FBN2: variants seen among roughly 807,000 people sequenced by gnomAD.
FBN2 encodes the protein fibrillin-2.
FBN2 carries 105 observed loss-of-function variants against 355.6 expected under a neutral mutation model. The observed-to-expected ratio is 0.30, with a 90% CI of 0.25 to 0.35. The LOEUF (loss-of-function observed/expected upper bound fraction) is 0.35. Among genes scored for constraint, FBN2 ranks in the 10% least tolerant of loss-of-function variants. The pLI, the probability that FBN2 is intolerant of heterozygous loss-of-function variation, is 1.00. For missense variants in FBN2, 3,280 were observed against 3,758.7 expected (o/e 0.87, Z 3.33); for synonymous variants, 1,350 against 1,301.2 (o/e 1.04, Z -0.81).
rs1436360893 is a variant in FBN2 at position 128,407,214 on chromosome 5, C to G, written c.1078+1460G>C. Among the ~76,000 whole-genome samples, 4 of 152,112 alleles carry G rather than the reference C, an allele frequency of 2.6e-5. No individual in the cohort carries two copies. In the South Asian group the frequency reaches 8.3e-4, roughly 32 times the overall value. On this transcript the variant is annotated intron_variant, in intron 8 of 64. Transcript: ENST00000262464. ...GAGTCAGAGAGGTCAGGATTTGAAT[C>G]CTGGCTCCATTCATTGGCTGCAAAA...
intron 8 of FBN2, among the ~76,000 whole-genome samples, chr5:128,402,107 C>T (rs955641180): frequency 6.6e-6 from 1 of 151,982 alleles, no homozygotes; most frequent in African/African-American, 2.4e-5. Context: ...ACCTCTCTTT[C>T]CTTTGTATGA....
intron 48 of FBN2, among the ~76,000 whole-genome samples, chr5:128,293,124 A>G (rs535865187): frequency 6.6e-6 from 1 of 152,152 alleles, no homozygotes; most frequent in Non-Finnish European, 1.5e-5. Flanking sequence ...ACACATATCT[A>G]TGTCTGTGTA....
chr5:128,328,654 G>A, intron 34 of FBN2, 42 bp downstream of exon 34: 1 of 1,611,376 alleles, frequency 6.2e-7, no homozygotes, highest in South Asian at 1.1e-5. Context: ...ATTTACTGTG[G>A]TTGATCCAAC....
chr5:128,416,147 TCCCAAGTAGCTAG>T lies in FBN2; in HGVS notation c.953-7361_953-7349del, dbSNP rs761278157. 5.3e-5 allele frequency among the ~76,000 whole-genome samples: 8 copies of T among 152,022 alleles called. No homozygotes were observed. The East Asian group carries it at 7.8e-4, about 15-fold the overall frequency. ...TTCAAGCAATTCTCCTGCTTCGGCC[TCCCAAGTAGCTAG>T]GATTACAGGCATGTACCATCACACC... On this transcript the variant is annotated intron_variant, in intron 7 of 64. Coordinates refer to ENST00000262464, the MANE Select transcript of FBN2 (RefSeq NM_001999.4).
rs149068555 is a variant in FBN2, at chr5:128,500,430, C to CTTTTTTTTT, written c.628+18834_628+18842dup. On this transcript the variant is annotated intron_variant, in intron 5 of 64. Transcript: ENST00000262464. ...TGAAAATGATGAGACTCTGACAATT[C>CTTTTTTTTT]TTTTTTTTTTTTTTTTTTTTTTTTT... Among the ~76,000 whole-genome samples, 225 of 51,182 alleles carry CTTTTTTTTT rather than the reference C, an allele frequency of 4.4e-3. 39 individuals carry two copies. The highest frequency in any genetic ancestry group is 6.9e-3 in the African/African-American group (66 of 9,572). 33.6% of individuals were successfully genotyped at this position (51,182 alleles called of 152,430 possible).
At chr5:128,452,653 C>T (rs1016741253) in intron 6 of FBN2, among the ~76,000 whole-genome samples, 3 of 152,180 alleles carry the variant, frequency 2.0e-5, no homozygotes, top group East Asian at 1.9e-4. Flanking sequence ...TATTTCATAG[C>T]GTGTTTTTTA....
chr5:128,350,727 A>G (rs1359148992), intron 21 of FBN2, 141 bp downstream of exon 21: 1 of 953,550 alleles, frequency 1.0e-6, no homozygotes, highest in Non-Finnish European at 1.6e-6. Flanking sequence ...GGTAAAAAAC[A>G]TTAGCCAGGA....
At chr5:128,506,837 A>G (rs1385244714) in intron 5 of FBN2, among the ~76,000 whole-genome samples, 1 of 152,082 alleles carries the variant, frequency 6.6e-6, no homozygotes, top group African/African-American at 2.4e-5. Context: ...AGAATTTGTC[A>G]AATGCTTTGT....
intron 41 of FBN2, among the ~76,000 whole-genome samples, chr5:128,308,261 C>T (rs1749937476): frequency 6.6e-6 from 1 of 152,038 alleles, no homozygotes; most frequent in Non-Finnish European, 1.5e-5. Context: ...TTTAATTCCC[C>T]AAATCAATGA....
At chr5:128,343,776 TG>T (rs1186256065) in intron 25 of FBN2, among the ~76,000 whole-genome samples, 1 of 152,242 alleles carries the variant, frequency 6.6e-6, no homozygotes, top group East Asian at 1.9e-4. Context: ...ATAATTCTTG[TG>T]GATTTAATGA....
chr5:128,457,429 G>A (rs1754423047), intron 6 of FBN2, among the ~76,000 whole-genome samples: 1 of 152,004 alleles, frequency 6.6e-6, no homozygotes, highest in Admixed American at 6.6e-5. Context: ...CAGGCCAACA[G>A]GCAAATTCAG....
chr5:128,260,962 A>G (rs1764950895), intron 64 of FBN2, among the ~76,000 whole-genome samples: 1 of 152,222 alleles, frequency 6.6e-6, no homozygotes, highest in Non-Finnish European at 1.5e-5. Context: ...TTAATCATTC[A>G]TAGGAACTGA....
intron 7 of FBN2, among the ~76,000 whole-genome samples, chr5:128,430,775 C>T (rs546779413): frequency 3.3e-5 from 5 of 150,390 alleles, no homozygotes; most frequent in Admixed American, 6.6e-5. Flanking sequence ...GCCTGGGAGG[C>T]GGAGGCTGCA....
intron 5 of FBN2, among the ~76,000 whole-genome samples, chr5:128,517,973 G>C (rs1052387242): frequency 6.6e-6 from 1 of 151,842 alleles, no homozygotes; most frequent in Admixed American, 6.6e-5. Context: ...GTTATGGCTC[G>C]ATGCTAGTTA....
At chr5:128,376,165 G>A (rs1752072362) in intron 14 of FBN2, among the ~76,000 whole-genome samples, 1 of 152,116 alleles carries the variant, frequency 6.6e-6, no homozygotes, top group Non-Finnish European at 1.5e-5. Context: ...ATTTCCAAGA[G>A]GTATAACTTT....
intron 46 of FBN2, among the ~76,000 whole-genome samples, chr5:128,302,740 T>C (rs1024087555): frequency 6.6e-6 from 1 of 152,200 alleles, no homozygotes; most frequent in Non-Finnish European, 1.5e-5. Context: ...CTTTTTTTCC[T>C]GAAATGATTG....
chr5:128,484,539 G>A (rs1187865775), intron 5 of FBN2, among the ~76,000 whole-genome samples: 4 of 152,278 alleles, frequency 2.6e-5, no homozygotes, highest in South Asian at 4.1e-4. Context: ...CAAATGGTTG[G>A]TAAGTATGTG....
intron 17 of FBN2, 119 bp downstream of exon 17, chr5:128,366,258 A>G: frequency 2.0e-6 from 1 of 510,906 alleles, no homozygotes; most frequent in Admixed American, 3.1e-5. Context: ...GAGATAATTA[A>G]TCTTATTATT....
intron 36 of FBN2, among the ~76,000 whole-genome samples, chr5:128,314,615 C>T (rs1006857348): frequency 1.3e-5 from 2 of 152,156 alleles, no homozygotes; most frequent in African/African-American, 4.8e-5. Context: ...CACGCCCAGC[C>T]TAATTAGGTT....
Sources: allele counts gnomAD v4.1 joint callset (sites outside exome capture counted in the v4.1 genomes callset), GRCh38; gene constraint gnomAD v4.1.1; transcripts MANE v1.5; gene names NCBI Gene and HGNC (gene_info 2026-07-23, HGNC 2026-07-21).